The following PHF2 variants were observed in gnomAD, a reference collection of about 807,000 sequenced individuals.
PHF2 encodes the protein lysine-specific demethylase PHF2.
In PHF2, 27 loss-of-function variants were observed where a neutral mutation model predicts 120.5. That is an observed-to-expected ratio of 0.22 (90% CI 0.17 to 0.31). The LOEUF (loss-of-function observed/expected upper bound fraction) is 0.31. Among genes scored for constraint, PHF2 ranks in the 10% least tolerant of loss-of-function variants. The pLI, the probability that PHF2 is intolerant of heterozygous loss-of-function variation, is 1.00. For missense variants in PHF2, 1,024 were observed against 1,434.8 expected, an observed-to-expected ratio of 0.71 and a Z score of 4.63; for synonymous variants, 568 against 592.5, an observed-to-expected ratio of 0.96 and a Z score of 0.60.
rs1179697523 is a variant in PHF2 at position 93,636,421 on chromosome 9, G to A, written c.195G>A (p.Lys65=). 3.7e-6 allele frequency: 6 copies of A among 1,606,788 alleles called. No homozygotes were observed. The South Asian group carries it at 6.7e-5, about 18-fold the overall frequency. Residue 65 remains lysine, a synonymous_variant, in exon 3 of 22, where the codon AAG becomes AAA. Coordinates refer to ENST00000359246, the MANE Select transcript of PHF2 (RefSeq NM_005392.4). ...CGGTCTCCTCCACAGTAAAGAAGAA[G>A]CGGACCTGGCACAAACACGGCCCGG... is the stretch of plus-strand genomic sequence containing the variant. The part of the protein sequence containing the change: ...KTHGKSTLKK[K]RTWHKHGPGQ...
chr9:93,578,805 G>A (rs1862882707), intron 1 of PHF2, among the ~76,000 whole-genome samples: 1 of 152,220 alleles, frequency 6.6e-6, no homozygotes, highest in Non-Finnish European at 1.5e-5. Context: ...CCCCAAAAGG[G>A]GGATGTCTGG....
At chr9:93,667,363 C>T in intron 17 of PHF2, 123 bp downstream of exon 17, 2 of 1,158,240 alleles carry the variant, frequency 1.7e-6, no homozygotes, top group East Asian at 2.7e-5. Context: ...TGAGCCGCCC[C>T]TGGGCCTGGG....
At chr9:93,605,332 C>T (rs541855644) in intron 1 of PHF2, among the ~76,000 whole-genome samples, 3 of 152,348 alleles carry the variant, frequency 2.0e-5, no homozygotes, top group South Asian at 2.1e-4. Flanking sequence ...GTCCTCCCAC[C>T]TCAGTCTCCC....
intron 17 of PHF2, chr9:93,672,496 ACATG>A (rs1333571556): frequency 2.0e-6 from 2 of 984,316 alleles, no homozygotes; most frequent in Non-Finnish European, 2.4e-6. Flanking sequence ...GCACAGGTGT[ACATG>A]CAGGTATGGG....
At position 93,676,675 on chromosome 9, in the gene PHF2, A is replaced by G; in HGVS notation, c.2914A>G (p.Ile972Val). The change falls in exon 21 of 22, where the codon ATC becomes GTC. Residue 972 changes from isoleucine (I) to valine (V), a missense_variant. Transcript: ENST00000359246. ...CACCTCCCCTTCCACCTCCACCTCC[A>G]TCTCTGCCGGCACCACCTCCACCTC... ...NTTSPSTSTS[I>V]SAGTTSTSTT... 1.3e-6 allele frequency: 2 copies of G among 1,583,970 alleles called. No individual in the cohort carries two copies. Among genetic ancestry groups the G allele is most frequent in the Non-Finnish European group, 1.7e-6 (2 of 1,164,724 alleles).
chr9:93,649,336 A>C, intron 5 of PHF2, 124 bp downstream of exon 5: 1 of 575,404 alleles, frequency 1.7e-6, no homozygotes. Flanking sequence ...CACATGGCAC[A>C]CACTGATTTT....
chr9:93,596,784 A>G (rs549207119), intron 1 of PHF2, among the ~76,000 whole-genome samples: 8 of 151,398 alleles, frequency 5.3e-5, no homozygotes, highest in Middle Eastern at 3.4e-3. Context: ...GTTTTGAGAC[A>G]GTCTCACTCT....
chr9:93,653,750 G>C (rs1426957870), intron 6 of PHF2, among the ~76,000 whole-genome samples: 1 of 152,240 alleles, frequency 6.6e-6, no homozygotes, highest in African/African-American at 2.4e-5. Flanking sequence ...GGCAGGGAAG[G>C]CTAGGAGCCT....
intron 1 of PHF2, among the ~76,000 whole-genome samples, chr9:93,624,488 ATGG>A (rs1327824392): frequency 7.6e-6 from 1 of 131,000 alleles, no homozygotes; most frequent in East Asian, 2.3e-4. Context: ...GGTGATGGTG[ATGG>A]TGGTGATGGT....
At chr9:93,583,830 T>TC (rs1279899710) in intron 1 of PHF2, among the ~76,000 whole-genome samples, 3 of 51,556 alleles carry the variant, frequency 5.8e-5, no homozygotes, top group Admixed American at 1.6e-4. Context: ...TCTTTTCTTT[T>TC]TTTTTTTTTT....
Position 93,673,882 on chromosome 9 carries a change from G to C in PHF2, c.2626+20G>C. The C allele has an allele frequency of 1.3e-6, 2 of 1,561,494 alleles. No individual in the cohort carries two copies. The highest frequency in any genetic ancestry group is 1.7e-6 in the Non-Finnish European group (2 of 1,147,156). ...ACTACGGTGAGTGTCACTCCTGCGT[G>C]GGGCAGGGCCCATGCTCAGCCCTAG... On this transcript the variant is annotated intron_variant, in intron 18 of 21. Coordinates refer to ENST00000359246, the MANE Select transcript of PHF2 (RefSeq NM_005392.4).
intron 1 of PHF2, among the ~76,000 whole-genome samples, chr9:93,619,379 C>G (rs1256484300): frequency 6.6e-6 from 1 of 152,212 alleles, no homozygotes; most frequent in Non-Finnish European, 1.5e-5. Flanking sequence ...ATTCGGCGTC[C>G]TGGGCTGGCA....
Position 93,678,493 on chromosome 9 carries a change from C to T in PHF2, c.*817C>T, listed in dbSNP as rs1826962348. The T allele has an allele frequency of 6.6e-6, 1 of 152,598 alleles. No homozygotes were observed. The highest frequency in any genetic ancestry group is 2.1e-4 in the South Asian group (1 of 4,832). The allele number at this position is 152,598 out of a possible 1,614,324, so 9.5% of individuals were successfully genotyped here. A position where few individuals can be genotyped will look rare whatever the true frequency, so the allele number is the denominator to read the frequency against. ...CAGCCAAGGCACCCCTGCCCTGGGACTGGCAGGGCAGGGGCAGGGGCAGGG... is the reference window on the plus strand; with the variant it reads ...CAGCCAAGGCACCCCTGCCCTGGGATTGGCAGGGCAGGGGCAGGGGCAGGG... On this transcript the variant is annotated 3_prime_UTR_variant, in exon 22 of 22. Transcript: ENST00000359246.
chr9:93,632,768 G>GTGTGTGCATGCACACATC (rs1826022225), intron 2 of PHF2, among the ~76,000 whole-genome samples: 1 of 152,200 alleles, frequency 6.6e-6, no homozygotes, highest in Non-Finnish European at 1.5e-5. Context: ...CTGTATGTAT[G>GTGTGTGCATGCACACATC]TGTGTGCATG....
chr9:93,596,753 T>TTTTTTG (rs1825339989), intron 1 of PHF2, among the ~76,000 whole-genome samples: 2 of 151,792 alleles, frequency 1.3e-5, no homozygotes, highest in African/African-American at 4.8e-5. Flanking sequence ...TGCCGTTTTT[T>TTTTTTG]TTTTTTGTTT....
At chr9:93,607,815 T>G (rs1825567147) in intron 1 of PHF2, among the ~76,000 whole-genome samples, 1 of 152,160 alleles carries the variant, frequency 6.6e-6, no homozygotes, top group Non-Finnish European at 1.5e-5. Flanking sequence ...AGAAAGCAAT[T>G]GACTTTTGTA....
At chr9:93,603,202 A>G (rs1364117309) in intron 1 of PHF2, among the ~76,000 whole-genome samples, 3 of 152,142 alleles carry the variant, frequency 2.0e-5, no homozygotes, top group Non-Finnish European at 2.9e-5. Context: ...AGGAGGAACA[A>G]AGGCCAACCT....
chr9:93,593,104 A>AAAAAAGG (rs1564373957), intron 1 of PHF2, among the ~76,000 whole-genome samples: 2 of 18,960 alleles, frequency 1.1e-4, no homozygotes, highest in Non-Finnish European at 1.4e-4. Flanking sequence ...AAAAAAAAAA[A>AAAAAAGG]AAAAAAAGAA....
At chr9:93,584,436 G>A (rs973944063) in intron 1 of PHF2, among the ~76,000 whole-genome samples, 1 of 152,152 alleles carries the variant, frequency 6.6e-6, no homozygotes, top group African/African-American at 2.4e-5. Flanking sequence ...TGGAAGGTAG[G>A]AGTCCAGCTT....
Sources: allele counts gnomAD v4.1 joint callset (sites outside exome capture counted in the v4.1 genomes callset), GRCh38; gene constraint gnomAD v4.1.1; transcripts MANE v1.5; gene names NCBI Gene and HGNC (gene_info 2026-07-23, HGNC 2026-07-21).